The following GOLIM4 variants were observed in gnomAD, a reference collection of about 807,000 sequenced individuals.
GOLIM4 encodes golgi integral membrane protein 4.
GOLIM4 carries 71 observed loss-of-function variants against 107.4 expected under a neutral mutation model. That is an observed-to-expected ratio of 0.66 (90% confidence interval 0.55 to 0.81). The LOEUF (loss-of-function observed/expected upper bound fraction) is 0.81. Ranked by LOEUF, GOLIM4 falls within the 30% of genes least tolerant of loss-of-function variation. GOLIM4 has a pLI of 0.00. For missense variants in GOLIM4, 830 were observed against 826.1 expected (o/e 1.00, Z -0.06); for synonymous variants, 327 against 294.8 (o/e 1.11, Z -1.12).
intron 1 of GOLIM4, among the ~76,000 whole-genome samples, chr3:168,075,345 G>C (rs535296116): frequency 7.7e-6 from 1 of 129,402 alleles, no homozygotes; most frequent in Non-Finnish European, 1.6e-5. Context: ...CGCCCAGGCT[G>C]GAGTGCAGTG....
chr3:168,073,777 G>A (rs939851546), intron 1 of GOLIM4, among the ~76,000 whole-genome samples: 1 of 152,158 alleles, frequency 6.6e-6, no homozygotes, highest in African/African-American at 2.4e-5. Flanking sequence ...AGATTGTTCA[G>A]AGGTGAAAAC....
chr3:168,043,869 G>A (rs185119224), intron 4 of GOLIM4, among the ~76,000 whole-genome samples: 1 of 152,300 alleles, frequency 6.6e-6, no homozygotes, highest in Admixed American at 6.5e-5. Flanking sequence ...CCCTCCCTGG[G>A]TATTATGGAT....
intron 1 of GOLIM4, among the ~76,000 whole-genome samples, chr3:168,083,110 T>A (rs929019948): frequency 2.0e-5 from 3 of 152,214 alleles, no homozygotes; most frequent in African/African-American, 7.2e-5. Context: ...GACCTTTTCA[T>A]AACGTATTCT....
At chr3:168,090,737 C>G (rs1721864124) in intron 1 of GOLIM4, among the ~76,000 whole-genome samples, 1 of 152,156 alleles carries the variant, frequency 6.6e-6, no homozygotes, top group Non-Finnish European at 1.5e-5. Flanking sequence ...TATTGCAGCA[C>G]TATTCACAAC....
chr3:168,021,333 G>A (rs891002757), intron 14 of GOLIM4, among the ~76,000 whole-genome samples: 1 of 152,174 alleles, frequency 6.6e-6, no homozygotes, highest in East Asian at 1.9e-4. Context: ...TAGCTATAGT[G>A]ACGAACACCC....
rs530588372 is a variant in GOLIM4 at position 168,081,447 on chromosome 3, T to C, written c.187+13652A>G. Among the ~76,000 whole-genome samples, 4 of 152,252 alleles carry C rather than the reference T, an allele frequency of 2.6e-5. No individual in the cohort carries two copies. In the South Asian group the frequency reaches 8.3e-4, roughly 32 times the overall value. On this transcript the variant is annotated intron_variant, in intron 1 of 15. Coordinates refer to ENST00000470487, the MANE Select transcript of GOLIM4 (RefSeq NM_014498.5). ...GTAGCAGATGGACTGGGAATATTCTTAGCTGTTTGGCAGAATCTAAAAAAA... is the reference window on the plus strand; with the variant it reads ...GTAGCAGATGGACTGGGAATATTCTCAGCTGTTTGGCAGAATCTAAAAAAA...
At chr3:168,043,734 C>A (rs1054800666) in intron 4 of GOLIM4, among the ~76,000 whole-genome samples, 3 of 152,114 alleles carry the variant, frequency 2.0e-5, no homozygotes, top group Admixed American at 1.3e-4. Flanking sequence ...GGGATCACAG[C>A]CAAAAATAAT....
At chr3:168,086,733 A>G (rs1047467662) in intron 1 of GOLIM4, among the ~76,000 whole-genome samples, 3 of 152,214 alleles carry the variant, frequency 2.0e-5, no homozygotes, top group Non-Finnish European at 4.4e-5. Flanking sequence ...GAGCCTATTT[A>G]GTAAAGCTTA....
At chr3:168,022,596 T>C (rs1178824494) in intron 14 of GOLIM4, among the ~76,000 whole-genome samples, 1 of 151,938 alleles carries the variant, frequency 6.6e-6, no homozygotes. Flanking sequence ...TGGACAGAGG[T>C]GGGAAGATGC....
intron 11 of GOLIM4, 83 bp downstream of exon 11, chr3:168,029,140 G>A (rs1343574092): frequency 1.1e-6 from 1 of 887,536 alleles, no homozygotes; most frequent in African/African-American, 1.6e-5. Flanking sequence ...GCTCATTGAT[G>A]TTATATAATA....
chr3:168,029,744 G>A (rs1405928985), intron 10 of GOLIM4, 36 bp downstream of exon 10: 24 of 1,604,126 alleles, frequency 1.5e-5, no homozygotes, highest in Non-Finnish European at 2.0e-5. Flanking sequence ...ACTGGAGCAG[G>A]GGCTGTCTTC....
chr3:168,021,771 G>C (rs1419942247), intron 14 of GOLIM4, among the ~76,000 whole-genome samples: 1 of 152,156 alleles, frequency 6.6e-6, no homozygotes, highest in African/African-American at 2.4e-5. Context: ...CAGTGAAGGT[G>C]AACAAATGCC....
chr3:168,084,988 C>G (rs2140099), intron 1 of GOLIM4, among the ~76,000 whole-genome samples: 85,112 of 151,832 alleles, frequency 0.56, 24,509 homozygotes, highest in African/African-American at 0.71. Flanking sequence ...GATGAACTGA[C>G]TTATCCAGTT....
At chr3:168,037,056 TTGGGTA>T in intron 7 of GOLIM4, 62 bp from the exon 8 acceptor site, 6 of 1,068,366 alleles carry the variant, frequency 5.6e-6, no homozygotes, top group Non-Finnish European at 7.1e-6. Flanking sequence ...AGATGGGCAT[TTGGGTA>T]CACTGTAAAA....
chr3:168,029,761 T>C lies in GOLIM4; in HGVS notation c.1433+19A>G, dbSNP rs761845969. The C allele has an allele frequency of 1.2e-6, 2 of 1,609,286 alleles. No homozygotes were observed. The highest frequency in any genetic ancestry group is 1.7e-6 in the Non-Finnish European group (2 of 1,176,890). ...TGGAGCAGGGGCTGTCTTCGTTCAT[T>C]AAGGAAGGGGAAGGCTACCGGAGCT... On this transcript the variant is annotated intron_variant, in intron 10 of 15. Transcript: ENST00000470487.
chr3:168,069,375 A>G (rs1170005068), intron 1 of GOLIM4, among the ~76,000 whole-genome samples: 1 of 152,234 alleles, frequency 6.6e-6, no homozygotes, highest in Admixed American at 6.5e-5. Context: ...GTACTGGAAG[A>G]GAACTGATGT....
rs372104603 is a variant in GOLIM4 at position 168,073,409 on chromosome 3, A to T, written c.187+21690T>A. On this transcript the variant is annotated intron_variant, in intron 1 of 15. Transcript: ENST00000470487. ...AATGCATGTGGAAACACAGCCATATAAAATGTCTAAAATAAAACTTCTGGG... is the reference window on the plus strand; with the variant it reads ...AATGCATGTGGAAACACAGCCATATTAAATGTCTAAAATAAAACTTCTGGG... Among the ~76,000 whole-genome samples the T allele has an allele frequency of 2.0e-5, 3 of 152,344 alleles. No homozygotes were observed. The East Asian group carries it at 5.8e-4, about 29-fold the overall frequency.
chr3:168,091,607 C>T (rs148433531), intron 1 of GOLIM4, among the ~76,000 whole-genome samples: 142 of 152,172 alleles, frequency 9.3e-4, no homozygotes, highest in African/African-American at 3.1e-3. Flanking sequence ...TTGAAATTAC[C>T]CATGACAAAC....
intron 1 of GOLIM4, among the ~76,000 whole-genome samples, chr3:168,086,163 TTTTC>T (rs1721611983): frequency 6.6e-6 from 1 of 152,080 alleles, no homozygotes; most frequent in Non-Finnish European, 1.5e-5. Context: ...ATTTAAAACA[TTTTC>T]TGTCTGTTAA....
Sources: gnomAD v4.1 joint callset for allele counts (sites outside exome capture counted in the v4.1 genomes callset) on GRCh38, gnomAD v4.1.1 for gene constraint, MANE v1.5 for transcripts, NCBI Gene and HGNC (gene_info 2026-07-23, HGNC 2026-07-21) for gene names.